Variants in ADGRL2 observed in about 807,000 individuals in gnomAD.
ADGRL2 encodes adhesion G protein-coupled receptor L2, also known as calcium-independent alpha-latrotoxin receptor 2.
A neutral mutation model predicts 157.4 loss-of-function variants in ADGRL2; 44 were observed. The observed-to-expected ratio is 0.28, with a 90% CI of 0.22 to 0.36. The LOEUF is 0.36. Ranked by LOEUF, ADGRL2 falls within the 10% of genes least tolerant of loss-of-function variation. The pLI is 1.00. For synonymous variants in ADGRL2, 585 were observed against 624.7 expected (o/e 0.94, Z 0.95); for missense variants, 1,510 against 1,768.9 (o/e 0.85, Z 2.63).
intron 1 of ADGRL2, among the ~76,000 whole-genome samples, chr1:81,384,892 T>C (rs1339175675): frequency 6.6e-6 from 1 of 152,128 alleles, no homozygotes; most frequent in Non-Finnish European, 1.5e-5. Flanking sequence ...TAAAAATAAT[T>C]TTCAGACAAA....
intron 1 of ADGRL2, among the ~76,000 whole-genome samples, chr1:81,810,627 G>C (rs943684534): frequency 2.0e-5 from 3 of 151,648 alleles, no homozygotes; most frequent in Non-Finnish European, 4.4e-5. Flanking sequence ...AGACATTTTG[G>C]GAAACATTAA....
At chr1:81,431,035 A>C (rs2077310471) in intron 1 of ADGRL2, among the ~76,000 whole-genome samples, 1 of 152,156 alleles carries the variant, frequency 6.6e-6, no homozygotes, top group East Asian at 1.9e-4. Context: ...TTCTTTAATA[A>C]AACAGCATGT....
At chr1:81,916,980 A>AT (rs1557906887) in intron 3 of ADGRL2, among the ~76,000 whole-genome samples, 4 of 151,570 alleles carry the variant, frequency 2.6e-5, no homozygotes, top group Admixed American at 1.3e-4. Flanking sequence ...AGAGAAAAAA[A>AT]AAATACATAT....
chr1:81,726,071 A>C (rs1430380944), intron 1 of ADGRL2, among the ~76,000 whole-genome samples: 1 of 152,220 alleles, frequency 6.6e-6, no homozygotes, highest in African/African-American at 2.4e-5. Context: ...TGATCTCAGA[A>C]AGCATCTCAA....
At chr1:81,809,352 T>C (rs996256168) in intron 1 of ADGRL2, among the ~76,000 whole-genome samples, 1 of 152,010 alleles carries the variant, frequency 6.6e-6, no homozygotes, top group Admixed American at 6.6e-5. Context: ...TCCTGAAATA[T>C]GTGACCAAGT....
intron 1 of ADGRL2, among the ~76,000 whole-genome samples, chr1:81,416,995 T>A (rs1557673216): frequency 6.6e-6 from 1 of 152,178 alleles, no homozygotes; most frequent in East Asian, 1.9e-4. Context: ...GGCACGTAGT[T>A]CTCAGAACGT....
chr1:81,345,572 A>C (rs1163424387), intron 1 of ADGRL2, among the ~76,000 whole-genome samples: 2 of 152,234 alleles, frequency 1.3e-5, no homozygotes, highest in Non-Finnish European at 2.9e-5. Flanking sequence ...TTAAAATAAA[A>C]AATACAGATA....
Position 81,422,533 on chromosome 1 carries a change from C to A in ADGRL2, c.-301-22503C>A, listed in dbSNP as rs74783767. Reference sequence around the variant, plus strand: ...GTGCTGGGATCACAGGCGTGGGCCACCACGCCCAGCCAAATGTATTTTTTC... The same window carrying A: ...GTGCTGGGATCACAGGCGTGGGCCAACACGCCCAGCCAAATGTATTTTTTC... On this transcript the variant is annotated intron_variant, in intron 1 of 24. Coordinates refer to the ADGRL2 transcript ENST00000370721. 6.2e-4 allele frequency among the ~76,000 whole-genome samples: 95 copies of A among 152,382 alleles called. 1 individual carries two copies. The East Asian group carries it at 0.015, about 25-fold the overall frequency.
intron 1 of ADGRL2, among the ~76,000 whole-genome samples, chr1:81,438,906 G>A (rs536587023): frequency 3.9e-5 from 6 of 152,158 alleles, no homozygotes; most frequent in Non-Finnish European, 7.4e-5. Context: ...CCAAGTTCCA[G>A]CTGCCTAAGG....
At chr1:81,327,966 C>T (rs574241684) in intron 1 of ADGRL2, among the ~76,000 whole-genome samples, 1 of 152,242 alleles carries the variant, frequency 6.6e-6, no homozygotes, top group African/African-American at 2.4e-5. Flanking sequence ...CCCCAGCTGA[C>T]CCTGCACCAT....
At chr1:81,370,384 G>A (rs1441064089) in intron 1 of ADGRL2, among the ~76,000 whole-genome samples, 1 of 152,016 alleles carries the variant, frequency 6.6e-6, no homozygotes, top group Non-Finnish European at 1.5e-5. Context: ...TACACTGTTT[G>A]TTGCTAACAG....
intron 1 of ADGRL2, among the ~76,000 whole-genome samples, chr1:81,407,269 AC>A (rs772376784): frequency 2.0e-5 from 3 of 152,194 alleles, no homozygotes; most frequent in Admixed American, 1.3e-4. Context: ...GCCAATGAAA[AC>A]CAGCCTCCTG....
chr1:81,564,692 T>C (rs1420982945), intron 2 of ADGRL2, among the ~76,000 whole-genome samples: 1 of 152,134 alleles, frequency 6.6e-6, no homozygotes, highest in African/African-American at 2.4e-5. Context: ...TGCAAGTTAC[T>C]AGGTCCAGCC....
chr1:81,722,711 C>A, intron 1 of ADGRL2: 1 of 976,096 alleles, frequency 1.0e-6, no homozygotes, highest in Non-Finnish European at 1.6e-6. Flanking sequence ...ATGAGCGAAA[C>A]GTGAAGAGCG....
chr1:81,913,432 G>A (rs2094779775), intron 3 of ADGRL2, among the ~76,000 whole-genome samples: 1 of 152,168 alleles, frequency 6.6e-6, no homozygotes, highest in African/African-American at 2.4e-5. Context: ...TACATGGAAA[G>A]GACCATGTAT....
At chr1:81,827,285 G>A (rs1571481471) in intron 1 of ADGRL2, among the ~76,000 whole-genome samples, 1 of 152,078 alleles carries the variant, frequency 6.6e-6, no homozygotes, top group Admixed American at 6.5e-5. Flanking sequence ...ATTTCATATG[G>A]ATAAGTAGCT....
chr1:81,993,782 A>G lies in ADGRL2; in HGVS notation c.*2637A>G, dbSNP rs1008742652. 6.6e-6 allele frequency among the ~76,000 whole-genome samples: 1 copy of G among 152,158 alleles called. No individual in the cohort carries two copies. Among genetic ancestry groups the G allele is most frequent in the African/African-American group, 2.4e-5 (1 of 41,424 alleles). On this transcript the variant is annotated 3_prime_UTR_variant, in exon 24 of 24. Coordinates refer to ENST00000686636, the MANE Select transcript of ADGRL2 (RefSeq NM_001366006.2). ...TTGGGTCTGCCTAGACTTCACCTGA[A>G]TGTACAGTTTTCACATTCTTGATTG...
intron 3 of ADGRL2, among the ~76,000 whole-genome samples, chr1:81,644,538 C>G (rs551600445): frequency 6.6e-6 from 1 of 152,046 alleles, no homozygotes; most frequent in Non-Finnish European, 1.5e-5. Flanking sequence ...AACACAAACC[C>G]GATTTAAAAA....
chr1:81,785,316 C>T (rs1357579438), intron 2 of ADGRL2, among the ~76,000 whole-genome samples: 1 of 152,016 alleles, frequency 6.6e-6, no homozygotes, highest in Non-Finnish European at 1.5e-5. Context: ...AGGAGTATTT[C>T]AATGAGACTA....
Sources: gnomAD v4.1 joint callset for allele counts (sites outside exome capture counted in the v4.1 genomes callset) on GRCh38, gnomAD v4.1.1 for gene constraint, MANE v1.5 for transcripts, NCBI Gene and HGNC (gene_info 2026-07-23, HGNC 2026-07-21) for gene names.